Variants in ARHGEF3 observed in about 807,000 individuals in gnomAD.
ARHGEF3 encodes Rho guanine nucleotide exchange factor 3.
ARHGEF3 carries 28 observed loss-of-function variants against 63.2 expected under a neutral mutation model. The ratio of observed to expected loss-of-function variants is 0.44; its 90% confidence interval spans 0.33 to 0.61. The LOEUF (loss-of-function observed/expected upper bound fraction) is 0.61. ARHGEF3 is among the 20% of genes least tolerant of loss of function. The pLI, the probability that ARHGEF3 is intolerant of heterozygous loss-of-function variation, is 0.03. For missense variants in ARHGEF3, 533 were observed against 659.3 expected (o/e 0.81, Z 2.10); for synonymous variants, 266 against 254.2 (o/e 1.05, Z -0.44).
intron 3 of ARHGEF3, among the ~76,000 whole-genome samples, chr3:56,955,196 C>A (rs76079327): frequency 8.5e-6 from 1 of 117,992 alleles, no homozygotes; most frequent in Non-Finnish European, 1.8e-5. Context: ...TTTTTTTTTT[C>A]TTTTCTTTTT....
At chr3:56,959,012 T>C (rs999555996) in intron 2 of ARHGEF3, 8 of 1,036,728 alleles carry the variant, frequency 7.7e-6, no homozygotes, top group Middle Eastern at 2.0e-4. Flanking sequence ...ACAAGGTGGA[T>C]GGAGTTTTCA....
chr3:56,860,312 G>A (rs139006546), intron 4 of ARHGEF3, among the ~76,000 whole-genome samples: 1 of 152,146 alleles, frequency 6.6e-6, no homozygotes, highest in Non-Finnish European at 1.5e-5. Context: ...TGAGTAGTGT[G>A]CTGAGACTAC....
intron 4 of ARHGEF3, among the ~76,000 whole-genome samples, chr3:56,861,930 C>A (rs753447917): frequency 1.1e-4 from 17 of 149,914 alleles, no homozygotes; most frequent in South Asian, 4.2e-4. Context: ...AGCAGCTCTG[C>A]TTCCACTGGT....
intron 1 of ARHGEF3, among the ~76,000 whole-genome samples, chr3:56,782,779 G>A (rs1228472010): frequency 1.3e-5 from 2 of 152,056 alleles, no homozygotes; most frequent in South Asian, 2.1e-4. Flanking sequence ...ACAGGCTTTC[G>A]GGCTGCTGGA....
intron 1 of ARHGEF3, among the ~76,000 whole-genome samples, chr3:57,037,112 A>G (rs1372723519): frequency 2.0e-5 from 3 of 152,262 alleles, no homozygotes; most frequent in Middle Eastern, 6.8e-3. Context: ...TCTGGCTTCC[A>G]TCAGAGCTAA....
intron 2 of ARHGEF3, chr3:56,960,888 C>G (rs1700250397): frequency 6.6e-5 from 10 of 152,198 alleles, no homozygotes; most frequent in Admixed American, 6.5e-4. Flanking sequence ...TCCCTGGATA[C>G]CACTCCCTTC....
At chr3:57,074,019 CCAGCTCTCCTGATA>C (rs758002960) in intron 1 of ARHGEF3, 4 of 1,614,194 alleles carry the variant, frequency 2.5e-6, no homozygotes, top group Non-Finnish European at 3.4e-6. Flanking sequence ...CTCTTCACCT[CCAGCTCTCCTGATA>C]CAGCAAGGCA....
chr3:56,758,685 C>T (rs868679368), intron 2 of ARHGEF3, among the ~76,000 whole-genome samples: 4 of 152,150 alleles, frequency 2.6e-5, no homozygotes, highest in Admixed American at 6.5e-5. Flanking sequence ...CTAATGGTAT[C>T]TTACAAATCC....
chr3:56,992,317 A>C (rs1299903206), intron 2 of ARHGEF3, among the ~76,000 whole-genome samples: 1 of 144,892 alleles, frequency 6.9e-6, no homozygotes, highest in Admixed American at 7.2e-5. Context: ...TGAGGAAAGC[A>C]TTTCAGGCAG....
intron 1 of ARHGEF3, among the ~76,000 whole-genome samples, chr3:57,072,726 CA>C (rs11332171): frequency 0.45 from 50,098 of 111,930 alleles, 10,324 homozygotes; most frequent in Middle Eastern, 0.59. Flanking sequence ...GAGACTCTGT[CA>C]AAAAAAAAAA....
chr3:57,010,324 C>T (rs576123256), intron 2 of ARHGEF3, among the ~76,000 whole-genome samples: 36 of 152,002 alleles, frequency 2.4e-4, no homozygotes, highest in South Asian at 2.1e-3. Flanking sequence ...GGCGTGGTGG[C>T]GGGTGCCTGT....
rs181973819 is a variant in ARHGEF3 at position 57,054,027 on chromosome 3, G to A, written c.-27-18851C>T. ...TTCTCTTGGGTATATATCTAAAAGT[G>A]GAATTGCTGCAGCATAGGTAGGCAT... On this transcript the variant is annotated intron_variant, in intron 1 of 12. Transcript: ENST00000338458. Among the ~76,000 whole-genome samples, 265 of 152,294 alleles carry A rather than the reference G, an allele frequency of 1.7e-3. 3 individuals are homozygous for A. The highest frequency in any genetic ancestry group is 6.8e-3 in the Middle Eastern group (2 of 294).
intron 3 of ARHGEF3, among the ~76,000 whole-genome samples, chr3:56,930,600 T>C (rs1299899604): frequency 6.6e-6 from 1 of 152,248 alleles, no homozygotes; most frequent in East Asian, 1.9e-4. Context: ...TCTTTCCTAA[T>C]CTTGTTCACT....
intron 1 of ARHGEF3, chr3:56,775,670 T>C (rs2036249026): frequency 1.0e-6 from 1 of 985,814 alleles, no homozygotes; most frequent in Non-Finnish European, 1.2e-6. Flanking sequence ...CAGGTGACAA[T>C]GCCCTTCAGG....
intron 2 of ARHGEF3, among the ~76,000 whole-genome samples, chr3:56,969,391 GAT>G (rs1292268578): frequency 7.9e-5 from 9 of 113,658 alleles, no homozygotes; most frequent in East Asian, 3.4e-4. Flanking sequence ...CTTATTGATT[GAT>G]CAATAAGAAT....
intron 2 of ARHGEF3, among the ~76,000 whole-genome samples, chr3:56,758,051 G>A (rs1406593517): frequency 6.6e-6 from 1 of 151,374 alleles, no homozygotes; most frequent in Non-Finnish European, 1.5e-5. Context: ...GCTGAGGCGG[G>A]CGGATCACCT....
At chr3:56,871,921 G>A (rs922475427) in intron 4 of ARHGEF3, among the ~76,000 whole-genome samples, 7 of 152,172 alleles carry the variant, frequency 4.6e-5, no homozygotes, top group Admixed American at 4.6e-4. Flanking sequence ...TCAGACCTGT[G>A]ACTGTCAACA....
At chr3:56,968,501 T>C (rs1700766172) in intron 2 of ARHGEF3, among the ~76,000 whole-genome samples, 1 of 145,640 alleles carries the variant, frequency 6.9e-6, no homozygotes, top group Admixed American at 7.3e-5. Context: ...CTAGCTTTTT[T>C]TTTTTTCTGT....
intron 1 of ARHGEF3, among the ~76,000 whole-genome samples, chr3:57,059,864 C>T (rs1705126805): frequency 1.3e-5 from 2 of 152,034 alleles, no homozygotes; most frequent in Non-Finnish European, 2.9e-5. Context: ...GGCATGGTGG[C>T]ACATGCCTGT....
Sources: allele counts gnomAD v4.1 joint callset (sites outside exome capture counted in the v4.1 genomes callset), GRCh38; gene constraint gnomAD v4.1.1; transcripts MANE v1.5; gene names NCBI Gene and HGNC (gene_info 2026-07-23, HGNC 2026-07-21).